The following EFCC1 variants were observed in gnomAD, a reference collection of about 807,000 sequenced individuals.
EFCC1 encodes the protein EF-hand and coiled-coil domain containing 1.
A neutral mutation model predicts 52.1 loss-of-function variants in EFCC1; 50 were observed. The ratio of observed to expected loss-of-function variants is 0.96; its 90% CI spans 0.76 to 1.21. EFCC1 has a LOEUF of 1.21. Among genes scored for constraint, EFCC1 ranks in the 50% most tolerant of loss-of-function variants. EFCC1 has a pLI of 0.00. For synonymous variants in EFCC1, 399 were observed against 396.5 expected (o/e 1.01, Z -0.08); for missense variants, 837 against 867.3 (o/e 0.97, Z 0.44).
Position 129,003,962 on chromosome 3 carries a change from C to A in EFCC1, c.865C>A (p.Arg289=). The part of the protein sequence containing the change: ...AEVRRRAEEA[R]QVVLRSLHRV... ...GGTGCGGCGGCGCGCGGAGGAGGCCCGGCAGGTGGTGCTGCGCAGCCTGCA... is the reference window on the plus strand; with the variant it reads ...GGTGCGGCGGCGCGCGGAGGAGGCCAGGCAGGTGGTGCTGCGCAGCCTGCA... The change falls in exon 2 of 8, where the codon CGG becomes AGG. Residue 289 remains arginine, a synonymous_variant. Coordinates refer to ENST00000683648, the MANE Select transcript of EFCC1 (RefSeq NM_001377500.1). 1.3e-5 allele frequency: 19 copies of A among 1,446,506 alleles called. No homozygotes were observed. The highest frequency in any genetic ancestry group is 1.7e-5 in the Non-Finnish European group (19 of 1,105,432). 89.6% of individuals were successfully genotyped at this position (1,446,506 alleles called of 1,614,324 possible).
chr3:129,025,404 T>C (rs1222744920), intron 2 of EFCC1, among the ~76,000 whole-genome samples: 1 of 152,176 alleles, frequency 6.6e-6, no homozygotes, highest in Non-Finnish European at 1.5e-5. Flanking sequence ...AGGAATCTGA[T>C]GTCCAATCCT....
intron 2 of EFCC1, among the ~76,000 whole-genome samples, 166 bp downstream of exon 2, chr3:129,004,243 T>C (rs923284485): frequency 6.6e-6 from 1 of 152,190 alleles, no homozygotes; most frequent in African/African-American, 2.4e-5. Flanking sequence ...TTTCTTAAGT[T>C]ATAAGTCTGC....
chr3:129,036,926 G>A (rs928771038), intron 5 of EFCC1, 51 bp from the exon 6 acceptor site: 21 of 1,611,150 alleles, frequency 1.3e-5, no homozygotes, highest in Non-Finnish European at 1.7e-5. Flanking sequence ...CTGCCACCTG[G>A]AAGGCTGGGA....
At chr3:129,033,783 CG>C (rs1209742257) in intron 4 of EFCC1, among the ~76,000 whole-genome samples, 2 of 152,042 alleles carry the variant, frequency 1.3e-5, no homozygotes, top group African/African-American at 2.4e-5. Context: ...GGGACAGAGG[CG>C]GGGCAGGGAG....
chr3:129,027,407 C>T (rs1203803999), intron 2 of EFCC1, among the ~76,000 whole-genome samples: 1 of 152,196 alleles, frequency 6.6e-6, no homozygotes, highest in Non-Finnish European at 1.5e-5. Flanking sequence ...CCAAGTCCAC[C>T]TGACGGAGCC....
At chr3:129,011,461 G>T (rs1178090064) in intron 2 of EFCC1, among the ~76,000 whole-genome samples, 3 of 151,686 alleles carry the variant, frequency 2.0e-5, no homozygotes, top group African/African-American at 7.3e-5. Flanking sequence ...TGAGGCAGGA[G>T]AATTGCTTGA....
At chr3:129,029,886 T>TAA (rs1217319429) in intron 2 of EFCC1, among the ~76,000 whole-genome samples, 2 of 140,960 alleles carry the variant, frequency 1.4e-5, no homozygotes, top group African/African-American at 2.6e-5. Context: ...TTTAAAAAAT[T>TAA]AAAAAAAAAA....
At chr3:129,005,460 G>C (rs1378091545) in intron 2 of EFCC1, among the ~76,000 whole-genome samples, 1 of 152,276 alleles carries the variant, frequency 6.6e-6, no homozygotes, top group Non-Finnish European at 1.5e-5. Flanking sequence ...GAAGGTGGCA[G>C]CAAGGATTTC....
chr3:129,032,866 G>A lies in EFCC1; in HGVS notation c.1186G>A (p.Asp396Asn). Residue 396 changes from aspartate (D) to asparagine (N), a missense_variant, in exon 4 of 8, where the codon GAC becomes AAC. Transcript: ENST00000683648. ...CTCCGTGGAGGGCCAGGCCGCCTCTGACGAGGAGGAGGTGGAGGAGGAGAG... is the reference window on the plus strand; with the variant it reads ...CTCCGTGGAGGGCCAGGCCGCCTCTAACGAGGAGGAGGTGGAGGAGGAGAG... Reference protein sequence around the residue: ...FRSVEGQAASDEEEVEEERWQ... With the variant: ...FRSVEGQAASNEEEVEEERWQ... 6.4e-7 allele frequency: 1 copy of A among 1,551,554 alleles called. No individual in the cohort carries two copies. Among genetic ancestry groups the A allele is most frequent in the South Asian group, 1.2e-5 (1 of 84,056 alleles).
In EFCC1 at chr3:129,001,614, G is replaced by T; in HGVS notation, c.-15G>T. The T allele has an allele frequency of 7.4e-7, 1 of 1,355,358 alleles. No homozygotes were observed. Among genetic ancestry groups the T allele is most frequent in the Non-Finnish European group, 9.4e-7 (1 of 1,060,472 alleles). The allele number at this position is 1,355,358 out of a possible 1,614,324, so 84.0% of individuals were successfully genotyped here. Reference sequence around the variant, plus strand: ...CCGGAGGAGGGACCGGAGGAGCGAGGCGCGCGGCGCAGCGATGGAGCCGGT... The same window carrying T: ...CCGGAGGAGGGACCGGAGGAGCGAGTCGCGCGGCGCAGCGATGGAGCCGGT... On this transcript the variant is annotated 5_prime_UTR_variant, in exon 1 of 8. Coordinates refer to ENST00000683648, the MANE Select transcript of EFCC1 (RefSeq NM_001377500.1).
chr3:129,027,991 C>T (rs1387702465), intron 2 of EFCC1, among the ~76,000 whole-genome samples: 1 of 151,438 alleles, frequency 6.6e-6, no homozygotes, highest in African/African-American at 2.4e-5. Context: ...AATGGGGACT[C>T]TTTGGAGATT....
intron 2 of EFCC1, among the ~76,000 whole-genome samples, chr3:129,018,414 C>T (rs894688343): frequency 9.2e-5 from 14 of 152,326 alleles, no homozygotes; most frequent in Admixed American, 9.2e-4. Context: ...ATGAAAATTT[C>T]ATAAAATTCA....
chr3:129,002,318 A>C lies in EFCC1; in HGVS notation c.690A>C (p.Ala230=). Residue 230 remains alanine (A), a synonymous_variant, in exon 1 of 8, where the codon GCA becomes GCC. Transcript: ENST00000683648. The stretch of plus-strand genomic sequence containing the variant: ...AGAGCAGTGATGCGCGCTGCCTAGC[A>C]CTGCAGGTGCGCGCCGGCCACGAAG... The part of the protein sequence containing the change: ...ALQSSDARCL[A]LQVGLWKSQA... 3 of 1,518,386 alleles carry C rather than the reference A, an allele frequency of 2.0e-6. No homozygotes were observed. The highest frequency in any genetic ancestry group is 2.6e-6 in the Non-Finnish European group (3 of 1,140,126). 94.1% of individuals were successfully genotyped at this position (1,518,386 alleles called of 1,614,324 possible).
rs533340753 is a variant in EFCC1, at chr3:129,040,114, G to C, written c.*266G>C. ...TCCACATTAAAGCCCTGCAGTTGCTGGATCAGCCTGCACCTGATGCTGTAT... is the reference window on the plus strand; with the variant it reads ...TCCACATTAAAGCCCTGCAGTTGCTCGATCAGCCTGCACCTGATGCTGTAT... On this transcript the variant is annotated 3_prime_UTR_variant, in exon 8 of 8. Coordinates refer to ENST00000683648, the MANE Select transcript of EFCC1 (RefSeq NM_001377500.1). This position sits in a 1 kb window ranked among gnomAD's most constrained non-coding sequence, Gnocchi z 4.4. The C allele has an allele frequency of 2.3e-6, 1 of 431,990 alleles. No individual in the cohort carries two copies. The highest frequency in any genetic ancestry group is 5.5e-5 in the South Asian group (1 of 18,026). 26.8% of individuals were successfully genotyped at this position (431,990 alleles called of 1,614,324 possible).
chr3:129,022,548 C>A (rs1945903952), intron 2 of EFCC1, among the ~76,000 whole-genome samples: 1 of 152,320 alleles, frequency 6.6e-6, no homozygotes, highest in South Asian at 2.1e-4. Context: ...CAGCCTCCAG[C>A]AGGAGGAAGA....
chr3:129,005,504 T>A (rs1945033857), intron 2 of EFCC1, among the ~76,000 whole-genome samples: 1 of 151,996 alleles, frequency 6.6e-6, no homozygotes, highest in South Asian at 2.1e-4. Context: ...CATGAAACCA[T>A]GGAAAAGTTT....
chr3:129,038,838 C>G lies in EFCC1; in HGVS notation c.1601C>G (p.Ser534Trp). The G allele has an allele frequency of 1.2e-6, 2 of 1,613,830 alleles. No individual in the cohort carries two copies. Among genetic ancestry groups the G allele is most frequent in the Non-Finnish European group, 1.7e-6 (2 of 1,179,994 alleles). ...TTTCCATTTCTTTTTAAGAACATAT[C>G]GAAAAGAGCCCTGGGGAAGATTTTG... Reference protein sequence around the residue: ...LLQRLRDLNISKRALGKILLS... With the variant: ...LLQRLRDLNIWKRALGKILLS... Residue 534 changes from serine (S) to tryptophan (W), a missense_variant, in exon 7 of 8, where the codon TCG becomes TGG. By Grantham distance (177) the Ser-to-Trp change is radical. Transcript: ENST00000683648.
rs1263199631 is a variant in EFCC1, at chr3:129,001,913, G to A, written c.285G>A (p.Thr95=). Residue 95 remains threonine, a synonymous_variant, in exon 1 of 8, where the codon ACG becomes ACA. Transcript: ENST00000683648. ...GGCTGCGCGCGGAGGGGGCCACCACGGCCGGGCAGGCAGCAGGTGACGGGA... is the reference window on the plus strand; with the variant it reads ...GGCTGCGCGCGGAGGGGGCCACCACAGCCGGGCAGGCAGCAGGTGACGGGA... ...VLGLRAEGAT[T]AGQAAGDGNS... 1.9e-6 allele frequency: 3 copies of A among 1,538,902 alleles called. No homozygotes were observed. The highest frequency in any genetic ancestry group is 2.6e-6 in the Non-Finnish European group (3 of 1,141,212).
At chr3:129,016,487 C>T (rs1452958871) in intron 2 of EFCC1, among the ~76,000 whole-genome samples, 1 of 149,678 alleles carries the variant, frequency 6.7e-6, no homozygotes, top group East Asian at 2.1e-4. Flanking sequence ...GCAGGTGGAG[C>T]TCATGGGCAC....
Sources: allele counts gnomAD v4.1 joint callset (sites outside exome capture counted in the v4.1 genomes callset), GRCh38; gene constraint gnomAD v4.1.1; non-coding constraint Gnocchi (gnomAD v3.1); transcripts MANE v1.5; gene names NCBI Gene and HGNC (gene_info 2026-07-23, HGNC 2026-07-21).